Variants in FOXJ3 observed in about 807,000 individuals in gnomAD.
The protein encoded by FOXJ3 is forkhead box protein J3.
In FOXJ3, 22 loss-of-function variants were observed where a neutral mutation model predicts 76.1. That is an observed-to-expected ratio of 0.29 (90% CI 0.21 to 0.41). The LOEUF (loss-of-function observed/expected upper bound fraction) is 0.41. Among genes scored for constraint, FOXJ3 ranks in the 10% least tolerant of loss-of-function variants. The pLI, the probability that FOXJ3 is intolerant of heterozygous loss-of-function variation, is 1.00. For synonymous variants in FOXJ3, 269 were observed against 261.2 expected, an observed-to-expected ratio of 1.03 and a Z score of -0.29; for missense variants, 613 against 762.1, an observed-to-expected ratio of 0.80 and a Z score of 2.30.
intron 1 of FOXJ3, among the ~76,000 whole-genome samples, chr1:42,322,566 G>A (rs988945585): frequency 6.6e-6 from 1 of 152,180 alleles, no homozygotes; most frequent in Middle Eastern, 3.4e-3. Flanking sequence ...CAAAAGGGCA[G>A]TTGGATTAAA....
At chr1:42,279,443 T>C (rs764061506) in intron 2 of FOXJ3, among the ~76,000 whole-genome samples, 1 of 152,094 alleles carries the variant, frequency 6.6e-6, no homozygotes, top group Non-Finnish European at 1.5e-5. Flanking sequence ...ATCACATAAA[T>C]GGTCAGCAAG....
At chr1:42,208,239 T>G (rs1646897986) in intron 5 of FOXJ3, among the ~76,000 whole-genome samples, 1 of 152,202 alleles carries the variant, frequency 6.6e-6, no homozygotes, top group South Asian at 2.1e-4. Flanking sequence ...AGAATATATC[T>G]GCTACTGATG....
chr1:42,295,058 G>A (rs887134673), intron 2 of FOXJ3, among the ~76,000 whole-genome samples: 15 of 152,028 alleles, frequency 9.9e-5, no homozygotes, highest in Non-Finnish European at 1.6e-4. Flanking sequence ...GAAACCAAGC[G>A]AAGCTTTTTT....
chr1:42,299,473 T>G (rs2124727799), intron 2 of FOXJ3, among the ~76,000 whole-genome samples: 1 of 152,182 alleles, frequency 6.6e-6, no homozygotes, highest in African/African-American at 2.4e-5. Flanking sequence ...TTTCACCTCT[T>G]TGAGTCTGTA....
chr1:42,227,125 T>C (rs1647635765), intron 5 of FOXJ3, among the ~76,000 whole-genome samples: 1 of 152,182 alleles, frequency 6.6e-6, no homozygotes, highest in Non-Finnish European at 1.5e-5. Context: ...TGTAAGAAAT[T>C]CCATAAAAGA....
intron 5 of FOXJ3, among the ~76,000 whole-genome samples, chr1:42,226,268 G>A (rs957267379): frequency 2.6e-5 from 4 of 151,572 alleles, no homozygotes; most frequent in Non-Finnish European, 5.9e-5. Context: ...ACTGATGTTC[G>A]TTCCTTCTCA....
At chr1:42,279,234 A>C (rs1318625402) in intron 2 of FOXJ3, among the ~76,000 whole-genome samples, 1 of 152,214 alleles carries the variant, frequency 6.6e-6, no homozygotes, top group Non-Finnish European at 1.5e-5. Context: ...AGAGTAAAGC[A>C]GGGTATACAA....
chr1:42,211,047 G>GA (rs965575150), intron 5 of FOXJ3, among the ~76,000 whole-genome samples: 10 of 152,286 alleles, frequency 6.6e-5, no homozygotes, highest in African/African-American at 2.2e-4. Context: ...TTTTATCAGA[G>GA]AAACATGTGC....
At chr1:42,316,417 C>CT (rs1368295822) in intron 1 of FOXJ3, among the ~76,000 whole-genome samples, 1 of 146,624 alleles carries the variant, frequency 6.8e-6, no homozygotes, top group Non-Finnish European at 1.5e-5. Context: ...ATGATCCTCT[C>CT]ACCTCAGCCT....
intron 2 of FOXJ3, among the ~76,000 whole-genome samples, chr1:42,283,030 A>G (rs3754281): frequency 0.73 from 111,199 of 152,030 alleles, 40,865 homozygotes; most frequent in Admixed American, 0.8. Flanking sequence ...AGTAGCAGAA[A>G]GTAAGGGTAC....
chr1:42,195,901 C>T (rs1016757505), intron 7 of FOXJ3, among the ~76,000 whole-genome samples: 9 of 152,260 alleles, frequency 5.9e-5, no homozygotes, highest in Admixed American at 3.3e-4. Context: ...CTTGGTGGAA[C>T]ACCCTGTGAT....
intron 3 of FOXJ3, among the ~76,000 whole-genome samples, chr1:42,278,004 G>C (rs908279524): frequency 8.8e-5 from 13 of 147,758 alleles, no homozygotes; most frequent in Non-Finnish European, 1.8e-4. Context: ...AAAAAATCTT[G>C]ACTGATAAAG....
intron 2 of FOXJ3, among the ~76,000 whole-genome samples, chr1:42,309,953 T>C (rs1654703574): frequency 6.6e-6 from 1 of 152,260 alleles, no homozygotes; most frequent in Non-Finnish European, 1.5e-5. Flanking sequence ...GAAACCACTG[T>C]GTTGTACACA....
At chr1:42,195,934 A>C (rs1447453779) in intron 7 of FOXJ3, among the ~76,000 whole-genome samples, 1 of 152,244 alleles carries the variant, frequency 6.6e-6, no homozygotes, top group Non-Finnish European at 1.5e-5. Flanking sequence ...AGTGGTTTTG[A>C]GGCGAAAATT....
At chr1:42,229,424 A>G (rs1183585100) in intron 4 of FOXJ3, among the ~76,000 whole-genome samples, 1 of 152,198 alleles carries the variant, frequency 6.6e-6, no homozygotes, top group East Asian at 1.9e-4. Context: ...AGGGAAAAAA[A>G]GCTGTTTAAC....
intron 3 of FOXJ3, among the ~76,000 whole-genome samples, chr1:42,273,919 C>A (rs1652060204): frequency 6.6e-6 from 1 of 152,128 alleles, no homozygotes; most frequent in Admixed American, 6.5e-5. Flanking sequence ...AAAGCAGTAA[C>A]TGACTAGAAC....
intron 2 of FOXJ3, among the ~76,000 whole-genome samples, chr1:42,299,091 C>T (rs1391590919): frequency 6.6e-5 from 10 of 152,168 alleles, no homozygotes; most frequent in African/African-American, 1.9e-4. Context: ...GAATGTTCCA[C>T]GTGCAGATGA....
Position 42,189,318 on chromosome 1 carries a change from G to C in FOXJ3, c.1438C>G (p.Leu480Val). 6.2e-7 allele frequency: 1 copy of C among 1,610,220 alleles called. No homozygotes were observed. Among genetic ancestry groups the C allele is most frequent in the Non-Finnish European group, 8.5e-7 (1 of 1,176,552 alleles). ...ASSVNWSDVD[L>V]SQFQGLMESM... ...CAACACTCACCTTGAAACTGTGAAA[G>C]GTCTACATCTGACCAATTAACACTG... Residue 480 changes from leucine (L) to valine (V), a missense_variant, in exon 10 of 13, where the codon CTT becomes GTT. Around this residue, in one of 3 missense-constraint regions of FOXJ3, gnomAD observed 526 missense variants for 601.4 expected, o/e 0.87. Transcript: ENST00000361346.
chr1:42,189,073 C>T, intron 10 of FOXJ3, 145 bp from the exon 11 acceptor site: 2 of 621,464 alleles, frequency 3.2e-6, no homozygotes, highest in Admixed American at 3.2e-5. Context: ...TGAAGAATGA[C>T]CTTTTTAAAT....
Sources: allele counts gnomAD v4.1 joint callset (sites outside exome capture counted in the v4.1 genomes callset), GRCh38; gene constraint gnomAD v4.1.1; regional missense constraint gnomAD v4.1.1; transcripts MANE v1.5; gene names NCBI Gene and HGNC (gene_info 2026-07-23, HGNC 2026-07-21).